TMEM14A: variants seen among roughly 807,000 people sequenced by gnomAD.
TMEM14A encodes the protein transmembrane protein 14A.
Under a neutral mutation model 11.6 loss-of-function variants are expected in TMEM14A, and 8 were observed. The ratio of observed to expected loss-of-function variants is 0.69; its 90% CI spans 0.40 to 1.24. TMEM14A has a LOEUF of 1.24. Ranked by LOEUF, TMEM14A falls within the 50% of genes most tolerant of loss-of-function variation. The probability of loss-of-function intolerance (pLI) is 0.01; values close to 1 mark genes in which losing one functional copy is unlikely to be tolerated. For missense variants in TMEM14A, 108 were observed against 121.9 expected, an observed-to-expected ratio of 0.89 and a Z score of 0.54; for synonymous variants, 34 against 45.5, an observed-to-expected ratio of 0.75 and a Z score of 1.02.
At chr6:52,672,645 C>T (rs1561872570) in intron 1 of TMEM14A, among the ~76,000 whole-genome samples, 2 of 152,150 alleles carry the variant, frequency 1.3e-5, no homozygotes, top group Non-Finnish European at 2.9e-5. Context: ...AGCCAGATAC[C>T]TAGGGGTGAG....
chr6:52,683,474 CAA>C lies in TMEM14A; in HGVS notation c.173-603_173-602del, dbSNP rs1561876008. On this transcript the variant is annotated intron_variant, in intron 3 of 4. Transcript: ENST00000211314. ...GACTCTGTCTCAACAACAACAACAACAACAACAACAAAAAAAAAAAAAAGAAA... is the reference window on the plus strand; with the variant it reads ...GACTCTGTCTCAACAACAACAACAACCAACAACAAAAAAAAAAAAAAGAAA... Among the ~76,000 whole-genome samples, 80 of 90,550 alleles carry C rather than the reference CAA, an allele frequency of 8.8e-4. 1 individual carries two copies. Among genetic ancestry groups the C allele is most frequent in the Admixed American group, 2.5e-3 (19 of 7,544 alleles). The allele number at this position is 90,550 out of a possible 152,430, so 59.4% of individuals were successfully genotyped here.
intron 3 of TMEM14A, among the ~76,000 whole-genome samples, chr6:52,683,603 CTTTG>C (rs1023746550): frequency 3.3e-5 from 5 of 151,598 alleles, no homozygotes; most frequent in African/African-American, 4.8e-5. Context: ...TGAAGTGTTT[CTTTG>C]TTTGTTCTTT....
rs1376256424 is a variant in TMEM14A at position 52,686,532 on chromosome 6, C to G, written c.*483C>G. 2 of 379,888 alleles carry G rather than the reference C, an allele frequency of 5.3e-6. No individual in the cohort carries two copies. Among genetic ancestry groups the G allele is most frequent in the Non-Finnish European group, 9.4e-6 (2 of 213,050 alleles). The allele number at this position is 379,888 out of a possible 1,614,324, so 23.5% of individuals were successfully genotyped here. On this transcript the variant is annotated 3_prime_UTR_variant, in exon 5 of 5. Coordinates refer to ENST00000211314, the MANE Select transcript of TMEM14A (RefSeq NM_014051.4). ...TTTAAAAAATTTTATTCTTAGCACA[C>G]TGTTATGTCCTAACTGAATGTATTC...
chr6:52,676,158 C>T (rs1769254257), intron 1 of TMEM14A, among the ~76,000 whole-genome samples: 2 of 152,190 alleles, frequency 1.3e-5, no homozygotes, highest in African/African-American at 4.8e-5. Flanking sequence ...ATCTTGAAGA[C>T]AGGCAGAGGA....
chr6:52,682,099 C>T (rs1013110722), intron 3 of TMEM14A, among the ~76,000 whole-genome samples, 185 bp downstream of exon 3: 2 of 152,182 alleles, frequency 1.3e-5, no homozygotes, highest in East Asian at 3.8e-4. Flanking sequence ...GTACTGCTAC[C>T]AGGCCTTCCA....
rs895864062 is a variant in TMEM14A at position 52,675,764 on chromosome 6, A to G, written c.-16-1323A>G. On this transcript the variant is annotated intron_variant, in intron 1 of 4. Transcript: ENST00000211314. ...GCCATTGTTTAAACTGAATTAGTCA[A>G]TCTCCAAGAAGACATCCATCTGTAA... Among the ~76,000 whole-genome samples the G allele has an allele frequency of 1.1e-4, 16 of 152,380 alleles. 1 individual carries two copies. The highest frequency in any genetic ancestry group is 2.0e-4 in the Admixed American group (3 of 15,308).
chr6:52,686,499 T>A lies in TMEM14A; in HGVS notation c.*450T>A, dbSNP rs1769496559. On this transcript the variant is annotated 3_prime_UTR_variant, in exon 5 of 5. Transcript: ENST00000211314. The stretch of plus-strand genomic sequence containing the variant: ...TTTAATTGTATTGCTGCCAGTGCTA[T>A]TTTTTTCTTTAAAAAATTTTATTCT... The A allele has an allele frequency of 2.6e-6, 1 of 382,590 alleles. No individual in the cohort carries two copies. Among genetic ancestry groups the A allele is most frequent in the Non-Finnish European group, 4.7e-6 (1 of 214,788 alleles). 23.7% of individuals were successfully genotyped at this position (382,590 alleles called of 1,614,324 possible). A position where few individuals can be genotyped will look rare whatever the true frequency, so the allele number is the denominator to read the frequency against.
chr6:52,680,689 A>ATATATG, intron 2 of TMEM14A, among the ~76,000 whole-genome samples: 1 of 56,952 alleles, frequency 1.8e-5, no homozygotes, highest in African/African-American at 5.9e-5. Flanking sequence ...ATATACATAT[A>ATATATG]TGTATATATA....
At position 52,677,124 on chromosome 6, in the gene TMEM14A, T is replaced by C. The variant is rs867928891; in HGVS notation, c.22T>C (p.Tyr8His). The C allele has an allele frequency of 6.2e-7, 1 of 1,614,218 alleles. No homozygotes were observed. The highest frequency in any genetic ancestry group is 8.5e-7 in the Non-Finnish European group (1 of 1,180,038). Residue 8 changes from tyrosine (Y) to histidine (H), a missense_variant, in exon 2 of 5, where the codon TAT (tyrosine) becomes CAT (histidine). Physicochemically the swap from Tyr to His is moderately conservative, Grantham distance 83. Transcript: ENST00000211314. ...GCCAATGGACCTGATCGGTTTTGGTTATGCAGCCCTCGTGACATTTGGAAG... is the reference window on the plus strand; with the variant it reads ...GCCAATGGACCTGATCGGTTTTGGTCATGCAGCCCTCGTGACATTTGGAAG... MDLIGFG[Y>H]AALVTFGSIF...
chr6:52,681,894 G>A lies in TMEM14A; in HGVS notation c.152G>A (p.Arg51Gln), dbSNP rs1198046344. Reference sequence around the variant, plus strand: ...GCTTACCGTGTCTCCAATGACAAACGAGATGTAAAAGTGTCACTGTGTAAG... The same window carrying A: ...GCTTACCGTGTCTCCAATGACAAACAAGATGTAAAAGTGTCACTGTGTAAG... ...YGAYRVSNDKRDVKVSLFTAF... is the reference protein window; with the variant it reads ...YGAYRVSNDKQDVKVSLFTAF... The change falls in exon 3 of 5, where the codon CGA becomes CAA. Residue 51 changes from arginine (R) to glutamine (Q), a missense_variant. Coordinates refer to ENST00000211314, the MANE Select transcript of TMEM14A (RefSeq NM_014051.4). The A allele has an allele frequency of 2.5e-6, 4 of 1,614,058 alleles. No individual in the cohort carries two copies. In the South Asian group the frequency reaches 3.3e-5, roughly 13 times the overall value.
intron 1 of TMEM14A, among the ~76,000 whole-genome samples, chr6:52,673,803 G>C (rs1267589096): frequency 6.6e-6 from 1 of 152,130 alleles, no homozygotes. Flanking sequence ...CTGTTAAGTC[G>C]AATTGACTAC....
chr6:52,680,691 G>GTGTGTATATATATATATATA (rs758417981), intron 2 of TMEM14A, among the ~76,000 whole-genome samples: 4 of 35,338 alleles, frequency 1.1e-4, no homozygotes, highest in East Asian at 1.1e-3. Context: ...ATACATATAT[G>GTGTGTATATATATATATATA]TATATATATA....
chr6:52,675,188 T>G (rs1769233477), intron 1 of TMEM14A, among the ~76,000 whole-genome samples: 1 of 152,184 alleles, frequency 6.6e-6, no homozygotes, highest in African/African-American at 2.4e-5. Context: ...TGGCCCCTTT[T>G]TATGTTCTAC....
chr6:52,674,565 A>G (rs577542212), intron 1 of TMEM14A, among the ~76,000 whole-genome samples: 2 of 152,338 alleles, frequency 1.3e-5, no homozygotes, highest in African/African-American at 4.8e-5. Context: ...TAAGGCACCT[A>G]GAATGCCTTA....
chr6:52,678,892 TC>T (rs1257961199), intron 2 of TMEM14A, among the ~76,000 whole-genome samples: 1 of 152,210 alleles, frequency 6.6e-6, no homozygotes, highest in Admixed American at 6.5e-5. Context: ...TGTATTATGT[TC>T]TAAGCTGCCA....
rs573713080 is a variant in TMEM14A, at chr6:52,681,823, G to T, written c.81G>T (p.Pro27=). The change falls in exon 3 of 5, where the codon CCG becomes CCT. Residue 27 remains proline (P), a synonymous_variant. Transcript: ENST00000211314. ...IFGYKRRGGV[P]SLIAGLFVGC... is the part of the protein sequence containing the mutation. ...TTTTTCCCCTTCCAGGTGGTGTTCCGTCTTTGATTGCTGGTCTTTTTGTTG... is the reference window on the plus strand; with the variant it reads ...TTTTTCCCCTTCCAGGTGGTGTTCCTTCTTTGATTGCTGGTCTTTTTGTTG... 1 of 1,613,804 alleles carries T rather than the reference G, an allele frequency of 6.2e-7. No individual in the cohort carries two copies. Among genetic ancestry groups the T allele is most frequent in the Admixed American group, 1.7e-5 (1 of 59,978 alleles).
intron 2 of TMEM14A, among the ~76,000 whole-genome samples, chr6:52,678,044 T>C (rs1769291973): frequency 6.6e-6 from 1 of 152,136 alleles, no homozygotes; most frequent in Non-Finnish European, 1.5e-5. Flanking sequence ...TCTGTCTTAA[T>C]GTATGTATTA....
intron 1 of TMEM14A, among the ~76,000 whole-genome samples, chr6:52,676,679 G>A (rs746627498): frequency 2.6e-5 from 4 of 152,178 alleles, no homozygotes; most frequent in Non-Finnish European, 5.9e-5. Flanking sequence ...AAGAAAAGAG[G>A]TTTAATCAAC....
chr6:52,680,918 T>TTGTGTGTG (rs1007437700), intron 2 of TMEM14A, among the ~76,000 whole-genome samples: 1 of 146,670 alleles, frequency 6.8e-6, no homozygotes, highest in Non-Finnish European at 1.5e-5. Flanking sequence ...GTTTGTGTGT[T>TTGTGTGTG]TGTGTGTGTG....
Sources: gnomAD v4.1 joint callset for allele counts (sites outside exome capture counted in the v4.1 genomes callset) on GRCh38, gnomAD v4.1.1 for gene constraint, MANE v1.5 for transcripts, NCBI Gene and HGNC (gene_info 2026-07-23, HGNC 2026-07-21) for gene names.